The following PLXNA4 variants were observed in gnomAD, a reference collection of about 807,000 sequenced individuals.
PLXNA4 encodes plexin-A4.
PLXNA4 carries 44 observed loss-of-function variants against 191.8 expected under a neutral mutation model. The ratio of observed to expected loss-of-function variants is 0.23; its 90% CI spans 0.18 to 0.29. PLXNA4 has a LOEUF of 0.29. Ranked by LOEUF, PLXNA4 falls within the 10% of genes least tolerant of loss-of-function variation. The pLI is 1.00. For synonymous variants in PLXNA4, 1,082 were observed against 1,009.5 expected, an observed-to-expected ratio of 1.07 and a Z score of -1.36; for missense variants, 1,800 against 2,488.8, an observed-to-expected ratio of 0.72 and a Z score of 5.89.
rs62467567 is a variant in PLXNA4 at position 132,439,995 on chromosome 7, A to T, written c.1371+49297T>A. Among the ~76,000 whole-genome samples the T allele has an allele frequency of 1.8e-4, 27 of 150,196 alleles. 1 individual carries two copies. The East Asian group carries it at 4.7e-3, about 26-fold the overall frequency. The stretch of plus-strand genomic sequence containing the variant: ...ACACATGTGTGCATGTGCATGTGTG[A>T]GTGTGTGTGTGTGTGTATGTGTGTG... On this transcript the variant is annotated intron_variant, in intron 3 of 31. Transcript: ENST00000321063.
chr7:132,265,112 T>C (rs1290310727), intron 4 of PLXNA4, among the ~76,000 whole-genome samples: 1 of 152,136 alleles, frequency 6.6e-6, no homozygotes, highest in Non-Finnish European at 1.5e-5. Flanking sequence ...TTAGGAATAG[T>C]GAGCGGGAAG....
At chr7:132,132,483 C>T (rs62469696) in intron 31 of PLXNA4, among the ~76,000 whole-genome samples, 24,446 of 76,676 alleles carry the variant, frequency 0.32, 5,262 homozygotes, top group East Asian at 0.4. Flanking sequence ...CTCTGCTCTG[C>T]TCTGCTCTAT....
chr7:132,293,763 T>A (rs1182307655), intron 4 of PLXNA4, among the ~76,000 whole-genome samples: 1 of 152,192 alleles, frequency 6.6e-6, no homozygotes, highest in East Asian at 1.9e-4. Flanking sequence ...GCCTCCTGGA[T>A]TATCATCCAG....
In PLXNA4 at chr7:132,438,748, G is replaced by A. The variant is rs563758522; in HGVS notation, c.1371+50544C>T. On this transcript the variant is annotated intron_variant, in intron 3 of 31. Transcript: ENST00000321063. ...TTTTTAAAAATTACAGCTCTGTGGA[G>A]TTTTAGATGTGCTTAATATTGACAA... is the stretch of plus-strand genomic sequence containing the variant. Among the ~76,000 whole-genome samples, 29 of 152,188 alleles carry A rather than the reference G, an allele frequency of 1.9e-4. 1 individual carries two copies. In the South Asian group the frequency reaches 5.6e-3, roughly 29 times the overall value.
chr7:132,354,761 A>G (rs1304185309), intron 3 of PLXNA4, among the ~76,000 whole-genome samples: 1 of 152,190 alleles, frequency 6.6e-6, no homozygotes, highest in African/African-American at 2.4e-5. Flanking sequence ...GATGTGGCAA[A>G]GGCAGAGAAA....
At chr7:132,536,252 G>A (rs920969063) in intron 1 of PLXNA4, among the ~76,000 whole-genome samples, 4 of 152,188 alleles carry the variant, frequency 2.6e-5, no homozygotes, top group Admixed American at 1.3e-4. Flanking sequence ...TCATGACTGT[G>A]TTACATTGTT....
intron 1 of PLXNA4, among the ~76,000 whole-genome samples, chr7:132,562,173 T>TCTCC (rs1801192482): frequency 4.4e-5 from 2 of 45,556 alleles, no homozygotes; most frequent in Non-Finnish European, 8.6e-5. Context: ...CCTCCTCCTC[T>TCTCC]TTCTCCTCCT....
intron 3 of PLXNA4, among the ~76,000 whole-genome samples, chr7:132,429,471 G>A (rs997492919): frequency 1.3e-5 from 2 of 152,134 alleles, no homozygotes; most frequent in African/African-American, 4.8e-5. Flanking sequence ...ATCACACCAC[G>A]AAAGCAGGCA....
At chr7:132,180,302 G>T (rs1222298268) in intron 19 of PLXNA4, among the ~76,000 whole-genome samples, 1 of 152,196 alleles carries the variant, frequency 6.6e-6, no homozygotes, top group African/African-American at 2.4e-5. Flanking sequence ...CCCTGGGCCA[G>T]CAACAGCCTT....
chr7:132,146,653 T>G lies in PLXNA4; in HGVS notation c.4912A>C (p.Thr1638Pro). 6.2e-7 allele frequency: 1 copy of G among 1,614,198 alleles called. No homozygotes were observed. Among genetic ancestry groups the G allele is most frequent in the Non-Finnish European group, 8.5e-7 (1 of 1,180,028 alleles). Residue 1638 changes from threonine to proline, a missense_variant, in exon 28 of 32, where the codon ACA (threonine) becomes CCA (proline). By Grantham distance (38) the Thr-to-Pro change is conservative. This residue lies in a region of PLXNA4 where 214 missense variants were observed against 298.2 expected (regional missense o/e 0.72). Transcript: ENST00000321063. ...TGSPDSLRSRTPMITPDLESG... is the reference protein window; with the variant it reads ...TGSPDSLRSRPPMITPDLESG... ...TCCAGGTCAGGAGTGATCATAGGTG[T>G]CCGTGAGCGGAGGCTGTCGGGGCTG...
intron 8 of PLXNA4, among the ~76,000 whole-genome samples, chr7:132,224,303 C>A (rs1270510239): frequency 6.6e-6 from 1 of 152,174 alleles, no homozygotes; most frequent in African/African-American, 2.4e-5. Context: ...AGGCCACACT[C>A]TCCCCACAAG....
chr7:132,546,426 AT>A (rs543453497), intron 1 of PLXNA4, among the ~76,000 whole-genome samples: 2 of 152,138 alleles, frequency 1.3e-5, no homozygotes, highest in South Asian at 2.1e-4. Flanking sequence ...CACCAGTAAA[AT>A]TTTTTTAAGT....
intron 3 of PLXNA4, among the ~76,000 whole-genome samples, chr7:132,480,547 GA>G (rs1258683583): frequency 1.3e-5 from 2 of 152,162 alleles, no homozygotes; most frequent in African/African-American, 2.4e-5. Flanking sequence ...ATTCCGGTGA[GA>G]AACCAAGACA....
intron 1 of PLXNA4, among the ~76,000 whole-genome samples, chr7:132,567,279 A>G (rs1467074192): frequency 6.6e-6 from 1 of 151,884 alleles, no homozygotes; most frequent in Non-Finnish European, 1.5e-5. Flanking sequence ...GTTCTGCTAA[A>G]TTCAGCTTGG....
intron 3 of PLXNA4, among the ~76,000 whole-genome samples, chr7:132,324,501 G>T (rs1402679700): frequency 6.6e-6 from 1 of 152,100 alleles, no homozygotes; most frequent in African/African-American, 2.4e-5. Flanking sequence ...GTTCCTTCAG[G>T]TTAATGGTTT....
intron 3 of PLXNA4, among the ~76,000 whole-genome samples, chr7:132,403,420 AC>A (rs773079565): frequency 2.6e-5 from 4 of 152,152 alleles, no homozygotes; most frequent in African/African-American, 4.8e-5. Context: ...TGAGCCTAAA[AC>A]CAGGCAGGCA....
chr7:132,364,142 C>T (rs563359167), intron 3 of PLXNA4, among the ~76,000 whole-genome samples: 1 of 152,158 alleles, frequency 6.6e-6, no homozygotes, highest in African/African-American at 2.4e-5. Flanking sequence ...GAATGCAGAC[C>T]CCTTCGTGGG....
chr7:132,194,002 A>C, intron 14 of PLXNA4, 60 bp downstream of exon 14: 1 of 1,566,832 alleles, frequency 6.4e-7, no homozygotes, highest in Non-Finnish European at 8.7e-7. Flanking sequence ...GGGGCCCAGC[A>C]ATCATGGTAA....
At chr7:132,180,853 T>C (rs1796680917) in intron 18 of PLXNA4, 121 bp from the exon 19 acceptor site, 1 of 1,461,996 alleles carries the variant, frequency 6.8e-7, no homozygotes. Flanking sequence ...GAAGCCACCT[T>C]TGGTAATAAG....
Sources: gnomAD v4.1 joint callset for allele counts (sites outside exome capture counted in the v4.1 genomes callset) on GRCh38, gnomAD v4.1.1 for gene constraint, gnomAD v4.1.1 regional missense constraint, MANE v1.5 for transcripts, NCBI Gene and HGNC (gene_info 2026-07-23, HGNC 2026-07-21) for gene names.